The following STK3 variants were observed in gnomAD, a reference collection of about 807,000 sequenced individuals.
The protein encoded by STK3 is serine/threonine kinase 3.
In STK3, 41 loss-of-function variants were observed where a neutral mutation model predicts 58.0. That is an observed-to-expected ratio of 0.71 (90% confidence interval 0.55 to 0.92). The LOEUF (loss-of-function observed/expected upper bound fraction) is 0.92, where lower values mean the gene tolerates loss of function less well. Among genes scored for constraint, STK3 ranks in the 40% least tolerant of loss-of-function variants. The pLI, the probability that STK3 is intolerant of heterozygous loss-of-function variation, is 0.00. For synonymous variants in STK3, 170 were observed against 191.0 expected, an observed-to-expected ratio of 0.89 and a Z score of 0.91; for missense variants, 479 against 602.7, an observed-to-expected ratio of 0.79 and a Z score of 2.15.
At chr8:98,492,674 G>T (rs1253429240) in intron 10 of STK3, among the ~76,000 whole-genome samples, 6 of 152,066 alleles carry the variant, frequency 3.9e-5, no homozygotes. Context: ...GTTAAGATTT[G>T]AAATTGCTAG....
intron 8 of STK3, among the ~76,000 whole-genome samples, chr8:98,574,789 TG>T (rs1216749625): frequency 6.6e-6 from 1 of 152,024 alleles, no homozygotes; most frequent in Non-Finnish European, 1.5e-5. Flanking sequence ...AAGAACTCAG[TG>T]GGCAGAGCAA....
upstream of STK3, among the ~76,000 whole-genome samples, chr8:98,392,714 C>T (rs1817859942): frequency 6.6e-6 from 1 of 152,166 alleles, no homozygotes; most frequent in African/African-American, 2.4e-5. Context: ...CTACTCCTTC[C>T]AATATGACTT....
At chr8:98,846,856 TACACACAC>T (rs374739035) in intron 3 of STK3, among the ~76,000 whole-genome samples, 21 of 143,410 alleles carry the variant, frequency 1.5e-4, no homozygotes, top group East Asian at 8.1e-4. Context: ...TTCAGGATCC[TACACACAC>T]ACACACACAC....
intron 1 of STK3, among the ~76,000 whole-genome samples, chr8:98,940,266 C>T (rs1209618916): frequency 6.6e-6 from 1 of 152,230 alleles, no homozygotes; most frequent in Non-Finnish European, 1.5e-5. Flanking sequence ...AGGCATCTTG[C>T]GACTAGCGAG....
At chr8:98,352,054 G>A in the STK3 span, among the ~76,000 whole-genome samples, 144 of 149,882 alleles carry the variant, frequency 9.6e-4, 3 homozygotes, top group South Asian at 0.03. Context: ...GGAGAATGGT[G>A]TGAATCCGGG....
chr8:98,879,194 G>C (rs912105385), downstream of STK3: 1 of 152,150 alleles, frequency 6.6e-6, no homozygotes, highest in African/African-American at 2.4e-5. Flanking sequence ...ATCATCTGTA[G>C]ATTACTTGTA....
intron 8 of STK3, among the ~76,000 whole-genome samples, chr8:98,578,543 T>C (rs1813594147): frequency 6.6e-6 from 1 of 152,132 alleles, no homozygotes; most frequent in Non-Finnish European, 1.5e-5. Flanking sequence ...GGTTTTATAA[T>C]TGGTAAAAAG....
At chr8:98,401,631 A>T (rs1315200963) in intron 3 of STK3, 2 of 152,222 alleles carry the variant, frequency 1.3e-5, no homozygotes, top group African/African-American at 4.8e-5. Context: ...AACAACAATC[A>T]CTCACACCAA....
chr8:98,774,809 T>C lies in STK3; in HGVS notation c.37A>G (p.Lys13Glu). The change falls in exon 2 of 11, where the codon AAG becomes GAG. Residue 13 changes from lysine (K) to glutamate (E), a missense_variant. Around this residue, in one of 3 missense-constraint regions of STK3, gnomAD observed 44 missense variants for 37.0 expected, o/e 1.19. Transcript: ENST00000419617. ...TTAGTCAAACTGTCTTCACTCAGCT[T>C]TTTTAGTTTACTGATTTAAAAAAGA... ...QPPAPKSKLK[K>E]LSEDSLTKQP... The C allele has an allele frequency of 6.4e-7, 1 of 1,556,974 alleles. No homozygotes were observed. The highest frequency in any genetic ancestry group is 1.3e-5 in the South Asian group (1 of 77,084).
intron 1 of STK3, among the ~76,000 whole-genome samples, chr8:98,910,588 T>A (rs1750904311): frequency 6.6e-6 from 1 of 152,234 alleles, no homozygotes; most frequent in African/African-American, 2.4e-5. Flanking sequence ...AAATCCTGTC[T>A]TTTATTGGAT....
intron 1 of STK3, among the ~76,000 whole-genome samples, chr8:98,799,714 C>T (rs1345886337): frequency 6.6e-6 from 1 of 152,164 alleles, no homozygotes; most frequent in Non-Finnish European, 1.5e-5. Context: ...CAACTAATAC[C>T]CCTACTTAAT....
intron 6 of STK3, among the ~76,000 whole-genome samples, chr8:98,663,584 C>A (rs1041542377): frequency 6.6e-6 from 1 of 152,140 alleles, no homozygotes; most frequent in Admixed American, 6.5e-5. Context: ...ATGTTTACTG[C>A]AGCACTATTC....
chr8:98,652,282 G>C (rs1458275761), intron 6 of STK3, among the ~76,000 whole-genome samples: 1 of 152,054 alleles, frequency 6.6e-6, no homozygotes, highest in African/African-American at 2.4e-5. Flanking sequence ...AGCAAATGCT[G>C]AGAGATTTTG....
chr8:98,435,727 G>T (rs2131083821), intron 2 of STK3, among the ~76,000 whole-genome samples: 1 of 152,228 alleles, frequency 6.6e-6, no homozygotes, highest in East Asian at 1.9e-4. Flanking sequence ...GAGAGACAGG[G>T]AATACTCAGA....
At chr8:98,926,603 T>C (rs1359091175) in intron 1 of STK3, among the ~76,000 whole-genome samples, 1 of 151,792 alleles carries the variant, frequency 6.6e-6, no homozygotes, top group Non-Finnish European at 1.5e-5. Flanking sequence ...GACAGGGAAA[T>C]GGGAAGAGGT....
intron 4 of STK3, among the ~76,000 whole-genome samples, chr8:98,712,943 T>C (rs377448086): frequency 3.0e-4 from 46 of 151,980 alleles, no homozygotes; most frequent in Admixed American, 1.8e-3. Flanking sequence ...TCTCTCAGAC[T>C]ACAGTGCAAT....
intron 1 of STK3, among the ~76,000 whole-genome samples, chr8:98,383,615 G>GCAAAA (rs1194008237): frequency 6.6e-6 from 1 of 152,172 alleles, no homozygotes; most frequent in Non-Finnish European, 1.5e-5. Flanking sequence ...GCAAAGCAAA[G>GCAAAA]CAAAACAAAA....
Position 98,675,188 on chromosome 8 carries a change from T to A in STK3, c.684+31279A>T, listed in dbSNP as rs189518866. Among the ~76,000 whole-genome samples the A allele has an allele frequency of 6.6e-5, 10 of 152,272 alleles. No homozygotes were observed. The East Asian group carries it at 1.7e-3, about 26-fold the overall frequency. On this transcript the variant is annotated intron_variant, in intron 6 of 10. Coordinates refer to ENST00000419617, the MANE Select transcript of STK3 (RefSeq NM_006281.4). ...GTGGAAAATAAAGCACTGTACAGATTTTATATCAAACATGCCAAGAATGTT... is the reference window on the plus strand; with the variant it reads ...GTGGAAAATAAAGCACTGTACAGATATTATATCAAACATGCCAAGAATGTT...
rs952868146 is a variant in STK3 at position 98,706,526 on chromosome 8, T to C, written c.625A>G (p.Ile209Val). Residue 209 changes from isoleucine to valine, a missense_variant, in exon 6 of 11, where the codon ATT (isoleucine) becomes GTT (valine). Around this residue, in one of 3 missense-constraint regions of STK3, gnomAD observed 309 missense variants for 355.7 expected, o/e 0.87. Transcript: ENST00000419617. ...NCVADIWSLG[I>V]TSIEMAEGKP... Reference sequence around the variant, plus strand: ...CCTTCAGCCATTTCTATAGAAGTAATGCCAAGGGACCAGATGTCGGCCACA... The same window carrying C: ...CCTTCAGCCATTTCTATAGAAGTAACGCCAAGGGACCAGATGTCGGCCACA... 3 of 1,613,790 alleles carry C rather than the reference T, an allele frequency of 1.9e-6. No individual in the cohort carries two copies. Among genetic ancestry groups the C allele is most frequent in the Non-Finnish European group, 2.5e-6 (3 of 1,179,898 alleles).
Sources: gnomAD v4.1 joint callset for allele counts (sites outside exome capture counted in the v4.1 genomes callset) on GRCh38, gnomAD v4.1.1 for gene constraint, gnomAD v4.1.1 regional missense constraint, MANE v1.5 for transcripts, NCBI Gene and HGNC (gene_info 2026-07-23, HGNC 2026-07-21) for gene names.